TMEM170A: variants seen among roughly 807,000 people sequenced by gnomAD.
TMEM170A encodes the protein transmembrane protein 170.
A neutral mutation model predicts 12.8 loss-of-function variants in TMEM170A; 18 were observed. That is an observed-to-expected ratio of 1.41 (90% CI 0.97 to 2.09). The LOEUF (loss-of-function observed/expected upper bound fraction) is 2.09. Ranked by LOEUF, TMEM170A falls within the 30% of genes most tolerant of loss-of-function variation. TMEM170A has a pLI of 0.00. For missense variants in TMEM170A, 220 were observed against 179.9 expected (o/e 1.22, Z -1.28); for synonymous variants, 107 against 76.2 (o/e 1.40, Z -2.11).
chr16:75,462,272 T>C (rs1166066722), intron 1 of TMEM170A, among the ~76,000 whole-genome samples: 1 of 152,244 alleles, frequency 6.6e-6, no homozygotes, highest in Non-Finnish European at 1.5e-5. Flanking sequence ...CAGGCTAAAG[T>C]GCAGTGGCGC....
In TMEM170A at chr16:75,464,638, G is replaced by A. The variant is rs905118640; in HGVS notation, c.-38C>T. On this transcript the variant is annotated 5_prime_UTR_variant, in exon 1 of 3. Transcript: ENST00000561878. Reference sequence around the variant, plus strand: ...CACCACAGAGAAATGAGGGACGAGCGCCCGAAGTGCGGTAGCGGCCGGCGC... The same window carrying A: ...CACCACAGAGAAATGAGGGACGAGCACCCGAAGTGCGGTAGCGGCCGGCGC... 5 of 1,552,468 alleles carry A rather than the reference G, an allele frequency of 3.2e-6. No individual in the cohort carries two copies. Among genetic ancestry groups the A allele is most frequent in the African/African-American group, 1.4e-5 (1 of 70,322 alleles).
chr16:75,460,997 A>G (rs941961119), intron 1 of TMEM170A, among the ~76,000 whole-genome samples: 3 of 152,202 alleles, frequency 2.0e-5, no homozygotes, highest in African/African-American at 7.2e-5. Context: ...GTTTGTTAAA[A>G]ATGACAACAA....
At chr16:75,448,278 G>C (rs554110634) in intron 2 of TMEM170A, among the ~76,000 whole-genome samples, 1 of 152,160 alleles carries the variant, frequency 6.6e-6, no homozygotes, top group Non-Finnish European at 1.5e-5. Flanking sequence ...TGAGAGGAGA[G>C]ATACTCAGGG....
chr16:75,463,698 C>A (rs1232910580), intron 1 of TMEM170A, among the ~76,000 whole-genome samples: 1 of 152,260 alleles, frequency 6.6e-6, no homozygotes, highest in African/African-American at 2.4e-5. Context: ...ATAACTGTGC[C>A]TCCCCTCAAA....
chr16:75,454,815 C>A (rs565426860), intron 1 of TMEM170A, among the ~76,000 whole-genome samples: 19 of 152,238 alleles, frequency 1.2e-4, no homozygotes, highest in African/African-American at 4.6e-4. Context: ...AGTTGGAATA[C>A]AAACTGGAAA....
intron 1 of TMEM170A, among the ~76,000 whole-genome samples, chr16:75,462,171 A>G (rs548269592): frequency 6.6e-6 from 1 of 152,352 alleles, no homozygotes; most frequent in East Asian, 1.9e-4. Context: ...CACCATCTTC[A>G]CCAAATGATC....
chr16:75,453,506 T>C (rs938253149), intron 1 of TMEM170A, among the ~76,000 whole-genome samples: 64 of 152,192 alleles, frequency 4.2e-4, no homozygotes, highest in African/African-American at 1.5e-3. Flanking sequence ...AAAGAGCCAA[T>C]TGATACGGTA....
At chr16:75,459,059 AAT>A (rs977900132) in intron 1 of TMEM170A, 2 of 152,040 alleles carry the variant, frequency 1.3e-5, no homozygotes, top group Admixed American at 1.3e-4. Context: ...ACGCCCAGGT[AAT>A]TTTTGTATTT....
At chr16:75,448,139 G>A (rs780901489) in intron 2 of TMEM170A, among the ~76,000 whole-genome samples, 4 of 152,128 alleles carry the variant, frequency 2.6e-5, no homozygotes, top group Non-Finnish European at 5.9e-5. Context: ...CAGGCCACAG[G>A]GAATCCCCAC....
intron 1 of TMEM170A, among the ~76,000 whole-genome samples, chr16:75,453,681 A>C (rs2079729534): frequency 6.6e-6 from 1 of 152,262 alleles, no homozygotes; most frequent in Non-Finnish European, 1.5e-5. Context: ...AGGATATGAA[A>C]TAAATACCAG....
At chr16:75,461,770 T>C (rs772639039) in intron 1 of TMEM170A, among the ~76,000 whole-genome samples, 23 of 152,230 alleles carry the variant, frequency 1.5e-4, no homozygotes, top group Non-Finnish European at 2.9e-4. Context: ...GCCAAATGTA[T>C]ACTTACTGAA....
upstream of TMEM170A, chr16:75,464,714 C>T: frequency 1.4e-6 from 2 of 1,386,032 alleles, no homozygotes; most frequent in Non-Finnish European, 1.9e-6. Context: ...TCCTCTTCCC[C>T]CAATCCCAAC....
chr16:75,453,214 G>A (rs887668238), intron 1 of TMEM170A, among the ~76,000 whole-genome samples: 1 of 152,112 alleles, frequency 6.6e-6, no homozygotes, highest in African/African-American at 2.4e-5. Context: ...TGGGCAGGTC[G>A]CTTGAGCCCA....
At chr16:75,447,726 A>C in intron 2 of TMEM170A, 38 bp from the exon 3 acceptor site, 24 of 1,561,130 alleles carry the variant, frequency 1.5e-5, no homozygotes, top group Non-Finnish European at 6.1e-6. Flanking sequence ...AAAAACAAAA[A>C]ACGAAGGTTA....
chr16:75,456,625 G>A (rs1230945933), intron 1 of TMEM170A, among the ~76,000 whole-genome samples: 1 of 152,126 alleles, frequency 6.6e-6, no homozygotes, highest in Non-Finnish European at 1.5e-5. Flanking sequence ...TCTTCTAGCC[G>A]CCATTAGGCC....
chr16:75,463,794 G>A (rs1597459934), intron 1 of TMEM170A, among the ~76,000 whole-genome samples: 2 of 152,326 alleles, frequency 1.3e-5, no homozygotes, highest in South Asian at 2.1e-4. Context: ...TTAGAATTCT[G>A]AGCAACCCTC....
At chr16:75,450,531 T>A (rs2079663992) in intron 2 of TMEM170A, among the ~76,000 whole-genome samples, 1 of 152,284 alleles carries the variant, frequency 6.6e-6, no homozygotes, top group South Asian at 2.1e-4. Flanking sequence ...GCAAAAGCCA[T>A]AACAAACCAA....
intron 2 of TMEM170A, among the ~76,000 whole-genome samples, chr16:75,448,631 G>A (rs1248643541): frequency 6.6e-6 from 1 of 151,976 alleles, no homozygotes; most frequent in Non-Finnish European, 1.5e-5. Flanking sequence ...AAGTGTGGTG[G>A]CACGTGCCTG....
rs115024819 is a variant in TMEM170A, at chr16:75,447,494, A to G, written c.*64T>C. ...AAGAACTAAGAAAACACTACACTCCATAATGTATTCTTTTGGAGGATTCCA... is the reference window on the plus strand; with the variant it reads ...AAGAACTAAGAAAACACTACACTCCGTAATGTATTCTTTTGGAGGATTCCA... On this transcript the variant is annotated 3_prime_UTR_variant, in exon 3 of 3. Coordinates refer to ENST00000561878, the MANE Select transcript of TMEM170A (RefSeq NM_145254.3). 5.5e-4 allele frequency: 856 copies of G among 1,547,400 alleles called. 5 individuals carry two copies. In the African/African-American group the frequency reaches 0.01, roughly 19 times the overall value.
Sources: gnomAD v4.1 joint callset for allele counts (sites outside exome capture counted in the v4.1 genomes callset) on GRCh38, gnomAD v4.1.1 for gene constraint, MANE v1.5 for transcripts, NCBI Gene and HGNC (gene_info 2026-07-23, HGNC 2026-07-21) for gene names.